DGKI: variants seen among roughly 807,000 people sequenced by gnomAD.
DGKI encodes DAG kinase iota.
In DGKI, 55 loss-of-function variants were observed where a neutral mutation model predicts 147.5. That is an observed-to-expected ratio of 0.37 (90% confidence interval 0.30 to 0.47). The LOEUF is 0.47. DGKI is among the 20% of genes least tolerant of loss of function. The probability of loss-of-function intolerance (pLI) is 1.00; values close to 1 mark genes in which losing one functional copy is unlikely to be tolerated. For missense variants in DGKI, 1,007 were observed against 1,323.8 expected, an observed-to-expected ratio of 0.76 and a Z score of 3.71; for synonymous variants, 469 against 477.1, an observed-to-expected ratio of 0.98 and a Z score of 0.22.
intron 24 of DGKI, among the ~76,000 whole-genome samples, chr7:137,467,498 A>C (rs1814705011): frequency 6.6e-6 from 1 of 152,172 alleles, no homozygotes; most frequent in African/African-American, 2.4e-5. Context: ...ACTTCGGAAA[A>C]TGGCTTGAAG....
chr7:137,422,505 C>G (rs1229147105), intron 28 of DGKI, among the ~76,000 whole-genome samples: 1 of 151,270 alleles, frequency 6.6e-6, no homozygotes, highest in Non-Finnish European at 1.5e-5. Context: ...ATTATAGAAT[C>G]CTATTTACGG....
rs557149656 is a variant in DGKI at position 137,576,097 on chromosome 7, G to A, written c.1761+1125C>T. ...TCTGTCGCCCAGGCTGGAGTGCAGTGGTGCGGTCTCGGCTCACTGCAACCT... is the reference window on the plus strand; with the variant it reads ...TCTGTCGCCCAGGCTGGAGTGCAGTAGTGCGGTCTCGGCTCACTGCAACCT... On this transcript the variant is annotated intron_variant, in intron 17 of 32. Coordinates refer to ENST00000614521, the MANE Select transcript of DGKI (RefSeq NM_001321708.2). Among the ~76,000 whole-genome samples the A allele has an allele frequency of 1.5e-4, 22 of 146,648 alleles. No individual in the cohort carries two copies. The South Asian group carries it at 4.8e-3, about 32-fold the overall frequency.
At chr7:137,496,216 C>A (rs1286191144) in intron 21 of DGKI, among the ~76,000 whole-genome samples, 1 of 152,034 alleles carries the variant, frequency 6.6e-6, no homozygotes, top group Non-Finnish European at 1.5e-5. Context: ...ACAATAGCCA[C>A]AAACAAAATA....
intron 1 of DGKI, among the ~76,000 whole-genome samples, chr7:137,694,122 C>A (rs1183113648): frequency 3.3e-5 from 5 of 152,060 alleles, no homozygotes; most frequent in Non-Finnish European, 7.4e-5. Flanking sequence ...GAGATTGAGA[C>A]CATCCTGGCT....
chr7:137,599,343 A>G (rs1376930678), intron 11 of DGKI, among the ~76,000 whole-genome samples: 1 of 152,126 alleles, frequency 6.6e-6, no homozygotes, highest in Non-Finnish European at 1.5e-5. Context: ...ATTTGTGCAG[A>G]GTCCTCAGGT....
chr7:137,387,248 G>T lies in DGKI; in HGVS notation c.*3972C>A, dbSNP rs1811202567. 1 of 152,088 alleles carries T rather than the reference G, an allele frequency of 6.6e-6. No individual in the cohort carries two copies. Among genetic ancestry groups the T allele is most frequent in the African/African-American group, 2.4e-5 (1 of 41,416 alleles). The allele number at this position is 152,088 out of a possible 1,614,324, so 9.4% of individuals were successfully genotyped here. On this transcript the variant is annotated 3_prime_UTR_variant, in exon 33 of 33. Coordinates refer to ENST00000614521, the MANE Select transcript of DGKI (RefSeq NM_001321708.2). The stretch of plus-strand genomic sequence containing the variant: ...CAAACATAGCATAGATAAGTCTTGG[G>T]GCTATGGTAGGTTTCATGCTTCATG...
intron 12 of DGKI, among the ~76,000 whole-genome samples, chr7:137,596,704 C>T: frequency 6.6e-6 from 1 of 152,120 alleles, no homozygotes; most frequent in Admixed American, 6.5e-5. Context: ...CCCAACTGAA[C>T]ATTGTTTTTA....
Position 137,642,929 on chromosome 7 carries a change from AGTGTGTGTGT to A in DGKI, c.804+2533_804+2542del, listed in dbSNP as rs1207086851. Among the ~76,000 whole-genome samples the A allele has an allele frequency of 3.7e-4, 45 of 121,208 alleles. No homozygotes were observed. In the South Asian group the frequency reaches 9.4e-3, roughly 25 times the overall value. 79.5% of individuals were successfully genotyped at this position (121,208 alleles called of 152,430 possible). On this transcript the variant is annotated intron_variant, in intron 6 of 32. Coordinates refer to ENST00000614521, the MANE Select transcript of DGKI (RefSeq NM_001321708.2). ...CATCCCAATGAGTAAATTATGGAAT[AGTGTGTGTGT>A]GTGTGTGTGTGTGTGTGTGTGTGTG...
At chr7:137,822,564 A>G (rs942941316) in intron 1 of DGKI, among the ~76,000 whole-genome samples, 3 of 152,300 alleles carry the variant, frequency 2.0e-5, no homozygotes, top group South Asian at 2.1e-4. Context: ...ACGGTGAAGC[A>G]TAAGTCACAG....
At chr7:137,510,521 C>A (rs187824247) in intron 21 of DGKI, among the ~76,000 whole-genome samples, 1 of 152,354 alleles carries the variant, frequency 6.6e-6, no homozygotes, top group African/African-American at 2.4e-5. Flanking sequence ...ATCTTGGCTA[C>A]ATGGCCAGGC....
At position 137,397,424 on chromosome 7, in the gene DGKI, A is replaced by C; in HGVS notation, c.2921-11T>G. 6.2e-7 allele frequency: 1 copy of C among 1,611,296 alleles called. No homozygotes were observed. Among genetic ancestry groups the C allele is most frequent in the Non-Finnish European group, 8.5e-7 (1 of 1,179,450 alleles). On this transcript the variant is annotated splice_polypyrimidine_tract_variant and intron_variant, in intron 30 of 32. Coordinates refer to ENST00000614521, the MANE Select transcript of DGKI (RefSeq NM_001321708.2). ...ATAACTCGGAAGGTCCTAAATAAGA[A>C]GAAAGCAAGATGACCGTCAAAAATA...
chr7:137,794,472 C>A (rs1796964148), intron 1 of DGKI, among the ~76,000 whole-genome samples: 1 of 152,190 alleles, frequency 6.6e-6, no homozygotes, highest in African/African-American at 2.4e-5. Context: ...CCAGGACAAC[C>A]ACATGAAGAT....
In DGKI at chr7:137,391,044, A is replaced by G. The variant is rs1811341533; in HGVS notation, c.*176T>C. 1 of 618,040 alleles carries G rather than the reference A, an allele frequency of 1.6e-6. No individual in the cohort carries two copies. Among genetic ancestry groups the G allele is most frequent in the South Asian group, 1.9e-5 (1 of 52,802 alleles). The allele number at this position is 618,040 out of a possible 1,614,324, so 38.3% of individuals were successfully genotyped here. On this transcript the variant is annotated 3_prime_UTR_variant, in exon 33 of 33. Transcript: ENST00000614521. The stretch of plus-strand genomic sequence containing the variant: ...CCTGCCTCCTTCTCAATGGGCTATC[A>G]TGTTCTGTTGTACATCTTGGTAGCC...
chr7:137,618,140 TATATATATA>T (rs1368009074), intron 8 of DGKI, among the ~76,000 whole-genome samples: 6 of 10,770 alleles, frequency 5.6e-4, no homozygotes, highest in South Asian at 7.5e-3. Context: ...TATATATATA[TATATATATA>T]TATTTTTTTT....
chr7:137,694,142 A>AT (rs1460853020), intron 1 of DGKI, among the ~76,000 whole-genome samples: 8 of 152,202 alleles, frequency 5.3e-5, no homozygotes, highest in Non-Finnish European at 8.8e-5. Flanking sequence ...TAACACGGTG[A>AT]AACCCCATCT....
intron 15 of DGKI, among the ~76,000 whole-genome samples, chr7:137,578,767 G>T (rs2128979691): frequency 6.6e-6 from 1 of 152,302 alleles, no homozygotes; most frequent in Admixed American, 6.5e-5. Context: ...GTGGAAGAAG[G>T]TGGAGAAGCG....
intron 21 of DGKI, among the ~76,000 whole-genome samples, chr7:137,511,503 A>T (rs1585185064): frequency 1.3e-5 from 2 of 152,236 alleles, no homozygotes; most frequent in African/African-American, 4.8e-5. Flanking sequence ...TGAATTTGGC[A>T]TAGCAGGGAA....
intron 23 of DGKI, among the ~76,000 whole-genome samples, chr7:137,484,367 G>T (rs1028768183): frequency 6.6e-6 from 1 of 152,082 alleles, no homozygotes; most frequent in Non-Finnish European, 1.5e-5. Context: ...AAAGTGAAGT[G>T]CTAAACCAGG....
At chr7:137,500,607 T>A (rs1369473469) in intron 21 of DGKI, among the ~76,000 whole-genome samples, 1 of 151,984 alleles carries the variant, frequency 6.6e-6, no homozygotes, top group Non-Finnish European at 1.5e-5. Context: ...TCACCACAAA[T>A]TGTAAACAGC....
Sources: gnomAD v4.1 joint callset for allele counts (sites outside exome capture counted in the v4.1 genomes callset) on GRCh38, gnomAD v4.1.1 for gene constraint, MANE v1.5 for transcripts, NCBI Gene and HGNC (gene_info 2026-07-23, HGNC 2026-07-21) for gene names.